The following ERBB2 variants were observed in gnomAD, a reference collection of about 807,000 sequenced individuals.
ERBB2 encodes the protein erb-b2 receptor tyrosine kinase 2.
In ERBB2, 61 loss-of-function variants were observed where a neutral mutation model predicts 149.0. The observed-to-expected ratio is 0.41, with a 90% CI of 0.33 to 0.51. ERBB2 has a LOEUF of 0.51. ERBB2 is among the 20% of genes least tolerant of loss of function. The pLI is 0.25. For missense variants in ERBB2, 1,205 were observed against 1,655.1 expected (o/e 0.73, Z 4.72); for synonymous variants, 633 against 678.8 (o/e 0.93, Z 1.05).
chr17:39,709,572 C>A, intron 4 of ERBB2, 120 bp downstream of exon 4: 1 of 1,204,534 alleles, frequency 8.3e-7, no homozygotes, highest in South Asian at 1.4e-5. Context: ...CACCCATTTC[C>A]TCCCTCTCTG....
At chr17:39,703,358 C>A (rs2058223314) in intron 1 of ERBB2, 1 of 152,252 alleles carries the variant, frequency 6.6e-6, no homozygotes, top group Admixed American at 6.5e-5. Context: ...CTGTGAGAAG[C>A]CCCTCTAGAG....
rs1218756471 is a variant in ERBB2, at chr17:39,716,576, C to G, written c.1708C>G (p.Gln570Glu). The part of the protein sequence containing the change: ...CLPCHPECQP[Q>E]NGSVTCFGPE... ...GCCGTGCCACCCTGAGTGTCAGCCCCAGAATGGCTCAGTGACCTGTTTTGG... is the reference window on the plus strand; with the variant it reads ...GCCGTGCCACCCTGAGTGTCAGCCCGAGAATGGCTCAGTGACCTGTTTTGG... The change falls in exon 14 of 27, where the codon CAG (glutamine) becomes GAG (glutamate). Residue 570 changes from glutamine to glutamate, a missense_variant. Around this residue, in one of 6 missense-constraint regions of ERBB2, gnomAD observed 569 missense variants for 803.5 expected, o/e 0.71. Transcript: ENST00000269571. 3.7e-6 allele frequency: 6 copies of G among 1,614,124 alleles called. No homozygotes were observed. Among genetic ancestry groups the G allele is most frequent in the Non-Finnish European group, 5.1e-6 (6 of 1,180,014 alleles).
In ERBB2 at chr17:39,725,294, A is replaced by T. The variant is rs2145872781; in HGVS notation, c.2650-33A>T. On this transcript the variant is annotated intron_variant, in intron 21 of 26. Coordinates refer to ENST00000269571, the MANE Select transcript of ERBB2 (RefSeq NM_004448.4). This position sits in a 1 kb window ranked among gnomAD's most constrained non-coding sequence, Gnocchi z 4.6. ...CTGAGTGGCCACCTCCCCACAACAC[A>T]CAGTTGGAGGACTTCCTCTTCTGCC... The T allele has an allele frequency of 1.2e-6, 2 of 1,613,066 alleles. No individual in the cohort carries two copies. The highest frequency in any genetic ancestry group is 1.7e-6 in the Non-Finnish European group (2 of 1,179,182).
Position 39,709,230 on chromosome 17 carries a change from G to C in ERBB2, c.440-88G>C, listed in dbSNP as rs4252617. On this transcript the variant is annotated intron_variant, in intron 3 of 26. Coordinates refer to ENST00000269571, the MANE Select transcript of ERBB2 (RefSeq NM_004448.4). ...AATCTGGGGGTTGTTTAAAAGGCCT[G>C]CTCCTCTTTTAGAAGGCAGGAGGGC... 1.2e-5 allele frequency: 18 copies of C among 1,514,302 alleles called. No individual in the cohort carries two copies. The African/African-American group carries it at 1.8e-4, about 15-fold the overall frequency. 93.8% of individuals were successfully genotyped at this position (1,514,302 alleles called of 1,614,324 possible). A position where few individuals can be genotyped will look rare whatever the true frequency, so the allele number is the denominator to read the frequency against.
chr17:39,719,413 G>A (rs2059329252), intron 15 of ERBB2, among the ~76,000 whole-genome samples: 1 of 152,216 alleles, frequency 6.6e-6, no homozygotes, highest in Admixed American at 6.5e-5. Flanking sequence ...TTCAGAGGAG[G>A]AACTGCTGGG....
intron 1 of ERBB2, among the ~76,000 whole-genome samples, chr17:39,700,655 G>A (rs572717973): frequency 2.0e-5 from 3 of 152,262 alleles, no homozygotes; most frequent in East Asian, 3.9e-4. Context: ...CCCTTCTTGA[G>A]CCCCCTCAAG....
upstream of ERBB2, among the ~76,000 whole-genome samples, chr17:39,691,841 T>C (rs1440032900): frequency 6.8e-6 from 1 of 146,554 alleles, no homozygotes; most frequent in Non-Finnish European, 1.5e-5. Flanking sequence ...AGATTTGTAA[T>C]GTACTAGCAT....
chr17:39,727,514 T>A lies in ERBB2; in HGVS notation c.3379T>A (p.Tyr1127Asn), dbSNP rs2143257272. The change falls in exon 26 of 27, where the codon TAC (tyrosine) becomes AAC (asparagine). Residue 1127 changes from tyrosine to asparagine, a missense_variant. By Grantham distance (143) the Tyr-to-Asn change is moderately radical. Transcript: ENST00000269571. The surrounding 1 kb of genome is among the most constrained non-coding windows in gnomAD (Gnocchi z 4.3). ...ACCCCTGCCCTCTGAGACTGATGGC[T>A]ACGTTGCCCCCCTGACCTGCAGCCC... is the stretch of plus-strand genomic sequence containing the variant. ...TVPLPSETDG[Y>N]VAPLTCSPQP... 2 of 1,607,654 alleles carry A rather than the reference T, an allele frequency of 1.2e-6. No individual in the cohort carries two copies. The highest frequency in any genetic ancestry group is 1.7e-6 in the Non-Finnish European group (2 of 1,178,186).
upstream of ERBB2, among the ~76,000 whole-genome samples, chr17:39,694,245 A>ATGTT (rs1481728992): frequency 2.4e-5 from 1 of 41,656 alleles, no homozygotes; most frequent in African/African-American, 8.3e-5. Context: ...ATATATATAT[A>ATGTT]TATATATATA....
At chr17:39,706,486 G>A (rs958508117) in intron 1 of ERBB2, among the ~76,000 whole-genome samples, 1 of 152,196 alleles carries the variant, frequency 6.6e-6, no homozygotes, top group Non-Finnish European at 1.5e-5. Flanking sequence ...TCTCTGGGTG[G>A]CATTACGGGG....
upstream of ERBB2, among the ~76,000 whole-genome samples, chr17:39,694,247 ATATATATATATATATATATATGTGTG>A (rs1567888001): frequency 4.6e-5 from 2 of 43,846 alleles, no homozygotes; most frequent in East Asian, 8.1e-4. Context: ...ATATATATAT[ATATATATATATATATATATATGTGTG>A]TATATATATA....
intron 15 of ERBB2, among the ~76,000 whole-genome samples, chr17:39,718,453 C>T (rs1464470856): frequency 6.6e-6 from 1 of 152,182 alleles, no homozygotes; most frequent in Non-Finnish European, 1.5e-5. Context: ...TATAGACATA[C>T]TACATTTATA....
intron 1 of ERBB2, among the ~76,000 whole-genome samples, chr17:39,706,195 G>A (rs1258001285): frequency 2.6e-5 from 4 of 152,220 alleles, no homozygotes; most frequent in African/African-American, 9.7e-5. Context: ...GGTATGCAGG[G>A]CTGACGTAGT....
At position 39,728,251 on chromosome 17, in the gene ERBB2, C is replaced by T. The variant is rs1026654308; in HGVS notation, c.*207C>T. The T allele has an allele frequency of 1.6e-5, 8 of 502,918 alleles. No homozygotes were observed. The highest frequency in any genetic ancestry group is 2.5e-5 in the Non-Finnish European group (7 of 282,428). The allele number at this position is 502,918 out of a possible 1,614,324, so 31.2% of individuals were successfully genotyped here. On this transcript the variant is annotated 3_prime_UTR_variant, in exon 27 of 27. Coordinates refer to ENST00000269571, the MANE Select transcript of ERBB2 (RefSeq NM_004448.4). ...CAGCCTCGTTGGAAGAGGAACAGCA[C>T]TGGGGAGTCTTTGTGGATTCTGAGG...
At position 39,725,513 on chromosome 17, in the gene ERBB2, A is replaced by AG; in HGVS notation, c.2725+115dup. 1 of 1,286,414 alleles carries AG rather than the reference A, an allele frequency of 7.8e-7. No homozygotes were observed. The highest frequency in any genetic ancestry group is 1.1e-6 in the Non-Finnish European group (1 of 903,554). The allele number at this position is 1,286,414 out of a possible 1,614,324, so 79.7% of individuals were successfully genotyped here. On this transcript the variant is annotated intron_variant, in intron 22 of 26. Coordinates refer to ENST00000269571, the MANE Select transcript of ERBB2 (RefSeq NM_004448.4). The surrounding 1 kb of genome is among the most constrained non-coding windows in gnomAD (Gnocchi z 4.6). Reference sequence around the variant, plus strand: ...CCACCTCAGCATGTGAAGGGAGGGAAGGGGCTGCCTGTGCCCCACCTTGCA... The same window carrying AG: ...CCACCTCAGCATGTGAAGGGAGGGAAGGGGGCTGCCTGTGCCCCACCTTGCA...
upstream of ERBB2, among the ~76,000 whole-genome samples, chr17:39,691,546 T>TAAAAAAAAAAAA (rs557885708): frequency 1.4e-4 from 15 of 108,232 alleles, no homozygotes; most frequent in African/African-American, 7.6e-4. Context: ...CCATCTACAT[T>TAAAAAAAAAAAA]AAAAAAAAAA....
rs2059068500 is a variant in ERBB2 at position 39,715,523 on chromosome 17, C to T, written c.1300C>T (p.Arg434Ter). The change falls in exon 11 of 27, where the codon CGA (arginine) becomes TGA (stop). Residue 434 changes from arginine to a stop codon, truncating the protein, a stop_gained. Transcript: ENST00000269571. LOFTEE classifies it high-confidence loss of function. ...VFQNLQVIRG[R>*]ILHNGAYSLT... Reference sequence around the variant, plus strand: ...CCAGAACCTGCAAGTAATCCGGGGACGAATTCTGCACAAGTGAGCACTGAG... The same window carrying T: ...CCAGAACCTGCAAGTAATCCGGGGATGAATTCTGCACAAGTGAGCACTGAG... 5.0e-6 allele frequency: 8 copies of T among 1,614,098 alleles called. No individual in the cohort carries two copies. Among genetic ancestry groups the T allele is most frequent in the Middle Eastern group, 1.6e-4 (1 of 6,062 alleles).
rs201482456 is a variant in ERBB2, at chr17:39,727,760, C to T, written c.3484C>T (p.Pro1162Ser). The T allele has an allele frequency of 5.2e-4, 826 of 1,603,686 alleles. No homozygotes were observed. The highest frequency in any genetic ancestry group is 6.6e-4 in the Non-Finnish European group (779 of 1,172,918). Reference sequence around the variant, plus strand: ...AGAGGGCCCTCTGCCTGCTGCCCGACCTGCTGGTGCCACTCTGGAAAGGCC... The same window carrying T: ...AGAGGGCCCTCTGCCTGCTGCCCGATCTGCTGGTGCCACTCTGGAAAGGCC... ...PREGPLPAARPAGATLERPKT... is the reference protein window; with the variant it reads ...PREGPLPAARSAGATLERPKT... The change falls in exon 27 of 27, where the codon CCT becomes TCT. Residue 1162 changes from proline to serine, a missense_variant. By Grantham distance (74) the Pro-to-Ser change is moderately conservative. Transcript: ENST00000269571. This position sits in a 1 kb window ranked among gnomAD's most constrained non-coding sequence, Gnocchi z 4.3.
Position 39,725,157 on chromosome 17 carries a change from C to T in ERBB2, c.2602C>T (p.Arg868Trp), listed in dbSNP as rs1351325116. 1.2e-6 allele frequency: 2 copies of T among 1,613,970 alleles called. No individual in the cohort carries two copies. The highest frequency in any genetic ancestry group is 2.2e-5 in the East Asian group (1 of 44,884). ...CAAAATTACAGACTTCGGGCTGGCTCGGCTGCTGGACATTGACGAGACAGA... is the reference window on the plus strand; with the variant it reads ...CAAAATTACAGACTTCGGGCTGGCTTGGCTGCTGGACATTGACGAGACAGA... ...HVKITDFGLA[R>W]LLDIDETEYH... The change falls in exon 21 of 27, where the codon CGG (arginine) becomes TGG (tryptophan). Residue 868 changes from arginine to tryptophan, a missense_variant. Physicochemically the swap from Arg to Trp is moderately radical, Grantham distance 101. Around this residue, in one of 6 missense-constraint regions of ERBB2, gnomAD observed 152 missense variants for 318.1 expected, o/e 0.48. Transcript: ENST00000269571. The surrounding 1 kb of genome is among the most constrained non-coding windows in gnomAD (Gnocchi z 4.6).
Sources: gnomAD v4.1 joint callset for allele counts (sites outside exome capture counted in the v4.1 genomes callset) on GRCh38, gnomAD v4.1.1 for gene constraint, gnomAD v4.1.1 regional missense constraint, Gnocchi (gnomAD v3.1) non-coding constraint, MANE v1.5 for transcripts, NCBI Gene and HGNC (gene_info 2026-07-23, HGNC 2026-07-21) for gene names.